Variants in RBFOX1 observed in about 807,000 individuals in gnomAD.
RBFOX1 encodes the protein RNA binding fox-1 homolog 1, also known as RNA binding protein fox-1 homolog 1.
Under a neutral mutation model 57.7 loss-of-function variants are expected in RBFOX1, and 8 were observed. That is an observed-to-expected ratio of 0.14 (90% CI 0.08 to 0.25). RBFOX1 has a LOEUF of 0.25. Among genes scored for constraint, RBFOX1 ranks in the 10% least tolerant of loss-of-function variants. RBFOX1 has a pLI of 1.00. For missense variants in RBFOX1, 611 were observed against 548.5 expected (o/e 1.11, Z -1.14); for synonymous variants, 326 against 222.4 (o/e 1.47, Z -4.15).
At chr16:6,039,009 C>CAAAAAAAAAAAAAAAAAAA (rs754708262) in intron 1 of RBFOX1, 2 of 47,756 alleles carry the variant, frequency 4.2e-5, no homozygotes, top group Non-Finnish European at 8.0e-5. Context: ...TGCTGGTTTG[C>CAAAAAAAAAAAAAAAAAAA]AAAAAAAAAA....
intron 3 of RBFOX1, among the ~76,000 whole-genome samples, chr16:7,049,678 T>C (rs529993213): frequency 1.3e-5 from 2 of 152,122 alleles, no homozygotes; most frequent in African/African-American, 2.4e-5. Context: ...TAAATTTTGG[T>C]CGTTTTGTTC....
At chr16:6,797,678 G>C (rs1195981064) in intron 3 of RBFOX1, among the ~76,000 whole-genome samples, 1 of 152,122 alleles carries the variant, frequency 6.6e-6, no homozygotes, top group African/African-American at 2.4e-5. Context: ...AGAGATTTAT[G>C]AGTAAATTGG....
chr16:6,438,930 G>A (rs1785893616), intron 2 of RBFOX1, among the ~76,000 whole-genome samples: 1 of 152,202 alleles, frequency 6.6e-6, no homozygotes, highest in Non-Finnish European at 1.5e-5. Context: ...AATATGGACA[G>A]TTGATGATTT....
At chr16:5,538,188 G>A (rs576869360) in intron 2 of RBFOX1, among the ~76,000 whole-genome samples, 12 of 152,320 alleles carry the variant, frequency 7.9e-5, no homozygotes, top group African/African-American at 2.9e-4. Context: ...GTAGAGCCAA[G>A]AGGCCAAGAC....
chr16:5,532,820 T>C (rs2044541142), intron 2 of RBFOX1, among the ~76,000 whole-genome samples: 1 of 152,142 alleles, frequency 6.6e-6, no homozygotes, highest in South Asian at 2.1e-4. Context: ...GAGAAATAGC[T>C]GTGGGCAGAG....
At chr16:7,125,377 A>G (rs567729662) in intron 4 of RBFOX1, among the ~76,000 whole-genome samples, 74 of 152,350 alleles carry the variant, frequency 4.9e-4, no homozygotes, top group African/African-American at 1.6e-3. Flanking sequence ...AGGCAAATCA[A>G]TAGATGGTTG....
At chr16:5,956,926 C>T (rs1334698263) in intron 4 of RBFOX1, among the ~76,000 whole-genome samples, 1 of 151,502 alleles carries the variant, frequency 6.6e-6, no homozygotes, top group Non-Finnish European at 1.5e-5. Flanking sequence ...GCCTTGGCAT[C>T]CCAAAGTGCT....
chr16:7,144,891 C>G (rs201741823), intron 4 of RBFOX1, among the ~76,000 whole-genome samples: 1 of 152,076 alleles, frequency 6.6e-6, no homozygotes. Flanking sequence ...CCTGGGGTCT[C>G]CAGCAGCCCA....
intron 4 of RBFOX1, among the ~76,000 whole-genome samples, chr16:6,013,728 G>A (rs918450070): frequency 1.3e-5 from 2 of 152,086 alleles, no homozygotes; most frequent in Non-Finnish European, 2.9e-5. Flanking sequence ...GTATTCCACG[G>A]TGTATGTGTG....
chr16:6,983,414 T>C (rs1489679842), intron 3 of RBFOX1, among the ~76,000 whole-genome samples: 2 of 151,636 alleles, frequency 1.3e-5, no homozygotes, highest in African/African-American at 4.8e-5. Flanking sequence ...GATATAATTA[T>C]CTATTTGCTG....
chr16:7,237,121 C>A (rs2093807669), intron 4 of RBFOX1, among the ~76,000 whole-genome samples: 1 of 152,170 alleles, frequency 6.6e-6, no homozygotes, highest in African/African-American at 2.4e-5. Context: ...TTCCCAGGGG[C>A]TGCAATACAG....
At chr16:7,466,740 C>T (rs1283309063) in intron 4 of RBFOX1, among the ~76,000 whole-genome samples, 1 of 152,212 alleles carries the variant, frequency 6.6e-6, no homozygotes, top group African/African-American at 2.4e-5. Flanking sequence ...CAGGTATCCA[C>T]ATCATTCCTA....
intron 1 of RBFOX1, among the ~76,000 whole-genome samples, chr16:6,170,118 C>A (rs557708434): frequency 1.3e-5 from 2 of 152,102 alleles, no homozygotes; most frequent in Admixed American, 6.6e-5. Context: ...GTGGGGAGTC[C>A]TTCTCAGGCC....
chr16:6,779,610 G>T (rs144588851), intron 3 of RBFOX1, among the ~76,000 whole-genome samples: 1 of 146,812 alleles, frequency 6.8e-6, no homozygotes, highest in Non-Finnish European at 1.5e-5. Flanking sequence ...CAGAGTGGCT[G>T]TACTAACTTA....
At chr16:6,859,389 C>G (rs564740014) in intron 3 of RBFOX1, among the ~76,000 whole-genome samples, 1 of 151,562 alleles carries the variant, frequency 6.6e-6, no homozygotes, top group East Asian at 1.9e-4. Flanking sequence ...GACGCTTTTG[C>G]CCATACTTGG....
At chr16:6,219,655 A>C (rs1305464825) in intron 1 of RBFOX1, among the ~76,000 whole-genome samples, 2 of 152,096 alleles carry the variant, frequency 1.3e-5, no homozygotes, top group Admixed American at 6.6e-5. Flanking sequence ...TGGGCAGATC[A>C]CTTGAGGTCA....
At chr16:7,039,738 A>G (rs1366217815) in intron 3 of RBFOX1, among the ~76,000 whole-genome samples, 2 of 152,180 alleles carry the variant, frequency 1.3e-5, no homozygotes, top group Non-Finnish European at 2.9e-5. Context: ...TATGATTACA[A>G]CCATACGTCG....
chr16:5,653,638 C>T (rs1327740950), intron 3 of RBFOX1, among the ~76,000 whole-genome samples: 3 of 152,140 alleles, frequency 2.0e-5, no homozygotes, highest in Admixed American at 6.5e-5. Context: ...CCTGTTCTGC[C>T]GCATGTGCAG....
chr16:6,659,194 A>T (rs149634536), intron 3 of RBFOX1, among the ~76,000 whole-genome samples: 276 of 151,886 alleles, frequency 1.8e-3, no homozygotes, highest in African/African-American at 6.1e-3. Flanking sequence ...GGAGAGGCTG[A>T]TGGATCAGTC....
Sources: allele counts gnomAD v4.1 joint callset (sites outside exome capture counted in the v4.1 genomes callset), GRCh38; gene constraint gnomAD v4.1.1; transcripts MANE v1.5; gene names NCBI Gene and HGNC (gene_info 2026-07-23, HGNC 2026-07-21).